Variants in PLXNA2 observed in about 807,000 individuals in gnomAD.
PLXNA2 encodes plexin-A2.
In PLXNA2, 91 loss-of-function variants were observed where a neutral mutation model predicts 193.5. That is an observed-to-expected ratio of 0.47 (90% CI 0.40 to 0.56). The LOEUF (loss-of-function observed/expected upper bound fraction) is 0.56, where lower values mean the gene tolerates loss of function less well. Among genes scored for constraint, PLXNA2 ranks in the 20% least tolerant of loss-of-function variants. The pLI is 0.00. For missense variants in PLXNA2, 1,995 were observed against 2,503.2 expected (o/e 0.80, Z 4.33); for synonymous variants, 997 against 1,027.3 (o/e 0.97, Z 0.56).
rs1666392406 is a variant in PLXNA2 at position 208,082,897 on chromosome 1, A to G, written c.2299-389T>C. 6.6e-6 allele frequency among the ~76,000 whole-genome samples: 1 copy of G among 152,126 alleles called. No homozygotes were observed. Among genetic ancestry groups the G allele is most frequent in the Admixed American group, 6.5e-5 (1 of 15,268 alleles). On this transcript the variant is annotated intron_variant, in intron 10 of 31. Coordinates refer to ENST00000367033, the MANE Select transcript of PLXNA2 (RefSeq NM_025179.4). This position sits in a 1 kb window ranked among gnomAD's most constrained non-coding sequence, Gnocchi z 4.2. ...CCAGCTCAGCTCTACTTTCCCCAGGAGTCCTCTCCCACAACCCTGCAGATC... is the reference window on the plus strand; with the variant it reads ...CCAGCTCAGCTCTACTTTCCCCAGGGGTCCTCTCCCACAACCCTGCAGATC...
At chr1:208,048,908 C>A (rs767939463) in intron 17 of PLXNA2, among the ~76,000 whole-genome samples, 1 of 152,200 alleles carries the variant, frequency 6.6e-6, no homozygotes, top group African/African-American at 2.4e-5. Flanking sequence ...TGCCTGTGAG[C>A]GTGCCTTTCA....
intron 3 of PLXNA2, among the ~76,000 whole-genome samples, chr1:208,146,723 A>C (rs1355520135): frequency 2.6e-5 from 4 of 152,186 alleles, no homozygotes; most frequent in Admixed American, 2.6e-4. Context: ...TGACAGCAAT[A>C]AACTGAACCA....
chr1:208,085,079 GCT>G (rs1001873798), intron 9 of PLXNA2, among the ~76,000 whole-genome samples: 3 of 129,846 alleles, frequency 2.3e-5, no homozygotes, highest in African/African-American at 8.2e-5. Context: ...CTAAACACTT[GCT>G]CTGTTTTTTT....
At chr1:208,195,408 G>T (rs568770550) in intron 3 of PLXNA2, among the ~76,000 whole-genome samples, 1 of 152,278 alleles carries the variant, frequency 6.6e-6, no homozygotes, top group African/African-American at 2.4e-5. Context: ...GAGTAGGGTA[G>T]ACCCACAGAC....
chr1:208,242,284 G>A (rs1004186104), intron 1 of PLXNA2, among the ~76,000 whole-genome samples: 6 of 152,122 alleles, frequency 3.9e-5, no homozygotes, highest in African/African-American at 1.4e-4. Flanking sequence ...GCTATTGTGT[G>A]GGGAGAGGGG....
chr1:208,217,132 T>C lies in PLXNA2; in HGVS notation c.791A>G (p.Glu264Gly), dbSNP rs752404690. 8 of 1,614,026 alleles carry C rather than the reference T, an allele frequency of 5.0e-6. No homozygotes were observed. Among genetic ancestry groups the C allele is most frequent in the Non-Finnish European group, 8.5e-7 (1 of 1,180,028 alleles). ...YFLTVQPETP[E>G]GVAINSAGDL... ...TCCAGCGGAGTTGATGGCCACACCC[T>C]CAGGGGTCTCGGGCTGGACAGTGAG... The change falls in exon 2 of 32, where the codon GAG (glutamate) becomes GGG (glycine). Residue 264 changes from glutamate (E) to glycine (G), a missense_variant. This residue lies in a region of PLXNA2 where 702 missense variants were observed against 812.9 expected (regional missense o/e 0.86). Transcript: ENST00000367033. This position sits in a 1 kb window ranked among gnomAD's most constrained non-coding sequence, Gnocchi z 4.7.
chr1:208,161,509 G>A (rs1220878597), intron 3 of PLXNA2, among the ~76,000 whole-genome samples: 1 of 152,124 alleles, frequency 6.6e-6, no homozygotes, highest in Admixed American at 6.5e-5. Flanking sequence ...GTCCTGAAAT[G>A]TGCAACTTCA....
intron 1 of PLXNA2, among the ~76,000 whole-genome samples, chr1:208,231,506 G>A (rs900474271): frequency 6.6e-6 from 1 of 152,140 alleles, no homozygotes; most frequent in African/African-American, 2.4e-5. Context: ...ACACGCCTGC[G>A]AAGGTGTGAG....
intron 4 of PLXNA2, among the ~76,000 whole-genome samples, chr1:208,128,673 A>G (rs1668044852): frequency 6.7e-6 from 1 of 149,326 alleles, no homozygotes; most frequent in Admixed American, 6.7e-5. Context: ...CCTAAGCTCC[A>G]ACAAGTGTTT....
At chr1:208,224,342 GA>G (rs1671445027) in intron 1 of PLXNA2, among the ~76,000 whole-genome samples, 1 of 149,292 alleles carries the variant, frequency 6.7e-6, no homozygotes, top group African/African-American at 2.5e-5. Context: ...AACCAAGAGA[GA>G]GGAGAGAGTG....
At chr1:208,220,599 A>ATT (rs71303058) in intron 1 of PLXNA2, among the ~76,000 whole-genome samples, 112 of 139,924 alleles carry the variant, frequency 8.0e-4, no homozygotes, top group Non-Finnish European at 1.0e-3. Flanking sequence ...CACCCGCCTA[A>ATT]TTTTTTTTTT....
intron 12 of PLXNA2, among the ~76,000 whole-genome samples, chr1:208,071,132 T>C (rs1390618522): frequency 1.3e-5 from 2 of 152,170 alleles, no homozygotes; most frequent in Admixed American, 1.3e-4. Context: ...ACACTGGATT[T>C]GTAAAAGGAT....
chr1:208,186,708 A>ATTTTTTTTTTT (rs368056918), intron 3 of PLXNA2, among the ~76,000 whole-genome samples: 11 of 111,732 alleles, frequency 9.8e-5, no homozygotes, highest in African/African-American at 3.3e-4. Flanking sequence ...TTGCAATGTT[A>ATTTTTTTTTTT]TTTTATTTTT....
At chr1:208,174,879 T>C (rs1406610827) in intron 3 of PLXNA2, among the ~76,000 whole-genome samples, 1 of 152,184 alleles carries the variant, frequency 6.6e-6, no homozygotes, top group African/African-American at 2.4e-5. Flanking sequence ...GGAAATGAGC[T>C]GGTGTTTCCT....
intron 1 of PLXNA2, among the ~76,000 whole-genome samples, chr1:208,243,148 T>A (rs1220318315): frequency 6.6e-6 from 1 of 152,036 alleles, no homozygotes; most frequent in Non-Finnish European, 1.5e-5. Context: ...CAGTCCCCGA[T>A]CGGAAGGGAG....
chr1:208,148,070 G>C (rs1194266107), intron 3 of PLXNA2, among the ~76,000 whole-genome samples: 2 of 152,130 alleles, frequency 1.3e-5, no homozygotes, highest in African/African-American at 4.8e-5. Flanking sequence ...TTAAATCACA[G>C]CTATATCTGG....
At chr1:208,188,335 C>A (rs1004241055) in intron 3 of PLXNA2, among the ~76,000 whole-genome samples, 11 of 152,166 alleles carry the variant, frequency 7.2e-5, no homozygotes, top group Admixed American at 2.6e-4. Context: ...AGGCTGTGAA[C>A]TTTGAGCCAC....
At chr1:208,213,986 A>T (rs1181944124) in intron 2 of PLXNA2, among the ~76,000 whole-genome samples, 1 of 152,230 alleles carries the variant, frequency 6.6e-6, no homozygotes, top group Non-Finnish European at 1.5e-5. Flanking sequence ...GGCAGGAATC[A>T]GCAGTTTCCT....
At chr1:208,124,303 A>G (rs906813338) in intron 4 of PLXNA2, among the ~76,000 whole-genome samples, 4 of 152,206 alleles carry the variant, frequency 2.6e-5, no homozygotes, top group African/African-American at 9.7e-5. Context: ...AATAATCTGT[A>G]CAACAAATTC....
Sources: gnomAD v4.1 joint callset for allele counts (sites outside exome capture counted in the v4.1 genomes callset) on GRCh38, gnomAD v4.1.1 for gene constraint, gnomAD v4.1.1 regional missense constraint, Gnocchi (gnomAD v3.1) non-coding constraint, MANE v1.5 for transcripts, NCBI Gene and HGNC (gene_info 2026-07-23, HGNC 2026-07-21) for gene names.